The following DLG3 variants were observed in gnomAD, a reference collection of about 807,000 sequenced individuals.
DLG3 encodes discs large MAGUK scaffold protein 3, also known as disks large homolog 3.
Under a neutral mutation model 64.1 loss-of-function variants are expected in DLG3, and 1 was observed. That is an observed-to-expected ratio of 0.02 (90% CI 0.01 to 0.07). DLG3 has a LOEUF of 0.07. Among genes scored for constraint, DLG3 ranks in the 10% least tolerant of loss-of-function variants. The probability of loss-of-function intolerance (pLI) is 1.00; values close to 1 mark genes in which losing one functional copy is unlikely to be tolerated. For missense variants in DLG3, 429 were observed against 669.5 expected, an observed-to-expected ratio of 0.64 and a Z score of 3.96; for synonymous variants, 245 against 259.8, an observed-to-expected ratio of 0.94 and a Z score of 0.55.
intron 4 of DLG3, 55 bp from the exon 5 acceptor site, chrX:70,450,114 A>C: frequency 3.3e-6 from 4 of 1,199,596 alleles, no homozygotes; most frequent in Non-Finnish European, 3.4e-6. Context: ...TGGGATCGAC[A>C]ACACTTTAAC....
rs1417239800 is a variant in DLG3, at chrX:70,444,863, G to C, written c.-339G>C. 6.8e-6 allele frequency: 1 copy of C among 146,992 alleles called. No individual in the cohort carries two copies. Among genetic ancestry groups the C allele is most frequent in the Non-Finnish European group, 1.3e-5 (1 of 75,798 alleles). 12.1% of individuals were successfully genotyped at this position (146,992 alleles called of 1,213,427 possible). ...CCACTCAGATCCATCCTGGGGACCAGAGCAGAAGCGGTCCTCACAGCACCC... is the reference window on the plus strand; with the variant it reads ...CCACTCAGATCCATCCTGGGGACCACAGCAGAAGCGGTCCTCACAGCACCC... On this transcript the variant is annotated 5_prime_UTR_variant, in exon 1 of 19. Transcript: ENST00000374360.
At chrX:70,449,653 G>A (rs1234489617) in intron 3 of DLG3, 37 bp from the exon 4 acceptor site, 1 of 1,205,722 alleles carries the variant, frequency 8.3e-7, no homozygotes, top group East Asian at 3.0e-5. Flanking sequence ...TGGAGGGGTA[G>A]GGGCACAGTG....
At chrX:70,475,635 A>G (rs1178733775) in intron 9 of DLG3, among the ~76,000 whole-genome samples, 5 of 112,351 alleles carry the variant, frequency 4.5e-5, no homozygotes, top group Non-Finnish European at 9.4e-5. Context: ...GATGTATCAG[A>G]AAATGAAAAA....
At chrX:70,485,654 C>T (rs2087241652) in intron 10 of DLG3, among the ~76,000 whole-genome samples, 1 of 112,123 alleles carries the variant, frequency 8.9e-6, no homozygotes, top group African/African-American at 3.2e-5. Context: ...CAGTTTCCTT[C>T]TTAGTTACCA....
intron 16 of DLG3, 100 bp from the exon 17 acceptor site, chrX:70,500,367 ACCCC>A: frequency 1.5e-6 from 1 of 661,186 alleles, no homozygotes; most frequent in Non-Finnish European, 2.4e-6. Context: ...CCCTCCCCTC[ACCCC>A]CACCCCCGGC....
chrX:70,460,636 A>T (rs2086787489), intron 9 of DLG3, among the ~76,000 whole-genome samples: 1 of 112,456 alleles, frequency 8.9e-6, no homozygotes, highest in South Asian at 3.7e-4. Flanking sequence ...TTAAGAGTAT[A>T]CTTAAGCGGT....
rs1167397612 is a variant in DLG3 at position 70,444,925 on chromosome X, G to C, written c.-277G>C. The C allele has an allele frequency of 3.5e-5, 7 of 202,663 alleles. No homozygotes were observed. Among genetic ancestry groups the C allele is most frequent in the Non-Finnish European group, 6.3e-5 (7 of 111,604 alleles). The allele number at this position is 202,663 out of a possible 1,213,427, so 16.7% of individuals were successfully genotyped here. A position where few individuals can be genotyped will look rare whatever the true frequency, so the allele number is the denominator to read the frequency against. ...GAGCTCCCGCTTCTTCTTTGCCGCT[G>C]GGCCTCGGCCCAGAAGCCACGACGG... On this transcript the variant is annotated 5_prime_UTR_variant, in exon 1 of 19. Transcript: ENST00000374360.
At position 70,445,117 on chromosome X, in the gene DLG3, CGGCGGCGGCGGCGGTGGT is replaced by C; in HGVS notation, c.-76_-59del. On this transcript the variant is annotated 5_prime_UTR_variant, in exon 1 of 19. Transcript: ENST00000374360. ...AGTGTGAGTGTGCCAGGGAGCCCGG[CGGCGGCGGCGGCGGTGGT>C]GGCGGCGGTGGCGGCGGCGTGGAAT... The C allele has an allele frequency of 1.3e-6, 1 of 755,459 alleles. No individual in the cohort carries two copies. The highest frequency in any genetic ancestry group is 1.8e-6 in the Non-Finnish European group (1 of 548,783). The allele number at this position is 755,459 out of a possible 1,213,427, so 62.3% of individuals were successfully genotyped here. A position where few individuals can be genotyped will look rare whatever the true frequency, so the allele number is the denominator to read the frequency against.
Position 70,461,512 on chromosome X carries a change from G to A in DLG3, c.1405+7196G>A, listed in dbSNP as rs1398398839. Among the ~76,000 whole-genome samples the A allele has an allele frequency of 2.7e-5, 3 of 110,614 alleles. No homozygotes were observed. In the East Asian group the frequency reaches 8.5e-4, roughly 31 times the overall value. The stretch of plus-strand genomic sequence containing the variant: ...GCTTTGTGTGCTCGGGGGGTTTAAG[G>A]CTTTGGGCGTAGATAATTTTAGCTT... On this transcript the variant is annotated intron_variant, in intron 9 of 18. Coordinates refer to ENST00000374360, the MANE Select transcript of DLG3 (RefSeq NM_021120.4).
rs1267007152 is a variant in DLG3, at chrX:70,451,738, C to T, written c.986-129C>T. On this transcript the variant is annotated intron_variant, in intron 6 of 18. Transcript: ENST00000374360. The stretch of plus-strand genomic sequence containing the variant: ...GGCGGGTGGATGGAGTGGGGAGGTG[C>T]GGCCTGAGGAATCAGCATCCCTTGG... 4 of 791,660 alleles carry T rather than the reference C, an allele frequency of 5.1e-6. No individual in the cohort carries two copies. The East Asian group carries it at 1.0e-4, about 20-fold the overall frequency. The allele number at this position is 791,660 out of a possible 1,213,427, so 65.2% of individuals were successfully genotyped here. A position where few individuals can be genotyped will look rare whatever the true frequency, so the allele number is the denominator to read the frequency against.
At chrX:70,481,746 T>G (rs747998998) in intron 10 of DLG3, among the ~76,000 whole-genome samples, 35 of 112,081 alleles carry the variant, frequency 3.1e-4, no homozygotes, top group East Asian at 8.4e-4. Flanking sequence ...ATTTAGTGAC[T>G]GGTTCACTGG....
chrX:70,493,431 A>G, intron 12 of DLG3: 1 of 1,209,420 alleles, frequency 8.3e-7, no homozygotes. Context: ...TTTCCATTTT[A>G]CAAGAGCAAA....
Position 70,445,306 on chromosome X carries a change from C to G in DLG3, c.105C>G (p.Val35=), listed in dbSNP as rs1294792908. ...CTCCGGGCTACGGCGACTGGCAAGT[C>G]CCCGACCCTTACGGGCCAGGTGGGG... ...LEPPGYGDWQ[V]PDPYGPGGGN... Residue 35 remains valine (V), a synonymous_variant, in exon 1 of 19, where the codon GTC becomes GTG. Coordinates refer to ENST00000374360, the MANE Select transcript of DLG3 (RefSeq NM_021120.4). 8.6e-7 allele frequency: 1 copy of G among 1,164,993 alleles called. No homozygotes were observed. Among genetic ancestry groups the G allele is most frequent in the Admixed American group, 2.6e-5 (1 of 39,072 alleles).
chrX:70,463,848 A>G (rs2086843063), intron 9 of DLG3, among the ~76,000 whole-genome samples: 1 of 110,875 alleles, frequency 9.0e-6, no homozygotes, highest in African/African-American at 3.3e-5. Flanking sequence ...TGTGAATTCA[A>G]TTTACAATTT....
intron 9 of DLG3, among the ~76,000 whole-genome samples, chrX:70,464,960 T>G (rs2086863659): frequency 8.9e-6 from 1 of 112,194 alleles, no homozygotes; most frequent in South Asian, 3.7e-4. Flanking sequence ...ATGATTTTTC[T>G]ACTTGATGAA....
chrX:70,445,824 A>C, intron 1 of DLG3, among the ~76,000 whole-genome samples: 1 of 73,387 alleles, frequency 1.4e-5, no homozygotes, highest in Non-Finnish European at 2.4e-5. Context: ...GTGTGGGGGA[A>C]TTGGGTTTGT....
rs768558801 is a variant in DLG3, at chrX:70,454,277, G to A, written c.1366G>A (p.Gly456Ser). The A allele has an allele frequency of 3.3e-6, 4 of 1,211,493 alleles. No homozygotes were observed. The highest frequency in any genetic ancestry group is 2.2e-5 in the Admixed American group (1 of 46,030). Residue 456 changes from glycine (G) to serine (S), a missense_variant, in exon 9 of 19, where the codon GGC (glycine) becomes AGC (serine). Gly to Ser is a moderately conservative substitution (Grantham distance 56, BLOSUM62 0). Around this residue, in one of 9 missense-constraint regions of DLG3, gnomAD observed 46 missense variants for 52.3 expected, o/e 0.88. Coordinates refer to ENST00000374360, the MANE Select transcript of DLG3 (RefSeq NM_021120.4). ...GGCTGCAGCTGCTCTGAAACGGGCC[G>A]GCCAGTCAGTCACCATTGTGGCCCA... The part of the protein sequence containing the change: ...EQAAAALKRA[G>S]QSVTIVAQYR...
At chrX:70,500,364 C>T (rs2087532705) in intron 16 of DLG3, 107 bp from the exon 17 acceptor site, 1 of 678,468 alleles carries the variant, frequency 1.5e-6, no homozygotes, top group African/African-American at 2.2e-5. Flanking sequence ...TGCCCCTCCC[C>T]TCACCCCCAC....
intron 9 of DLG3, among the ~76,000 whole-genome samples, chrX:70,472,711 C>T (rs918593180): frequency 2.1e-4 from 23 of 112,157 alleles, no homozygotes; most frequent in Non-Finnish European, 2.6e-4. Context: ...GCATGTGCTT[C>T]GTCTGTCAAG....
Sources: allele counts gnomAD v4.1 joint callset (sites outside exome capture counted in the v4.1 genomes callset), GRCh38; gene constraint gnomAD v4.1.1; regional missense constraint gnomAD v4.1.1; transcripts MANE v1.5; gene names NCBI Gene and HGNC (gene_info 2026-07-23, HGNC 2026-07-21).